Variants in CFAP20DC observed in about 807,000 individuals in gnomAD.
CFAP20DC encodes the protein CFAP20 domain containing, also known as protein CFAP20DC.
Under a neutral mutation model 101.7 loss-of-function variants are expected in CFAP20DC, and 84 were observed. The observed-to-expected ratio is 0.83, with a 90% CI of 0.69 to 0.99. The LOEUF is 0.99. Among genes scored for constraint, CFAP20DC ranks in the 50% least tolerant of loss-of-function variants. CFAP20DC has a pLI of 0.00. For synonymous variants in CFAP20DC, 359 were observed against 351.2 expected (o/e 1.02, Z -0.25); for missense variants, 1,007 against 970.3 (o/e 1.04, Z -0.50).
chr3:58,833,975 T>A (rs977068060), intron 13 of CFAP20DC, among the ~76,000 whole-genome samples: 1 of 152,172 alleles, frequency 6.6e-6, no homozygotes, highest in Non-Finnish European at 1.5e-5. Flanking sequence ...TTACTTTATA[T>A]GAAATGTCCA....
At chr3:58,873,547 A>C (rs2080452177) in intron 7 of CFAP20DC, among the ~76,000 whole-genome samples, 1 of 141,832 alleles carries the variant, frequency 7.1e-6, no homozygotes, top group African/African-American at 2.7e-5. Context: ...GGATGGTATA[A>C]GGCGGGTGCT....
Position 58,951,128 on chromosome 3 carries a change from T to A in CFAP20DC, c.279-13366A>T, listed in dbSNP as rs536328348. On this transcript the variant is annotated intron_variant, in intron 4 of 16. Transcript: ENST00000482387. Reference sequence around the variant, plus strand: ...AACAGACACTTCTCAAAAGAAGACATTTATGCAGCCAAAAGACACATGAAA... The same window carrying A: ...AACAGACACTTCTCAAAAGAAGACAATTATGCAGCCAAAAGACACATGAAA... 6.3e-4 allele frequency among the ~76,000 whole-genome samples: 96 copies of A among 152,328 alleles called. 2 individuals are homozygous for A. In the South Asian group the frequency reaches 0.019, roughly 31 times the overall value.
intron 3 of CFAP20DC, among the ~76,000 whole-genome samples, chr3:59,045,287 C>T (rs1264100804): frequency 1.3e-5 from 2 of 151,744 alleles, no homozygotes; most frequent in Admixed American, 6.6e-5. Flanking sequence ...ATGATAAAAT[C>T]AGGTACCAAC....
Position 59,049,849 on chromosome 3 carries a change from C to T in CFAP20DC, c.-218G>A. ...CCATCAGCACCATTGCGGCTCCAGC[C>T]TCCGCGGTGCCCGGGTCTGGGGAGG... On this transcript the variant is annotated 5_prime_UTR_variant, in exon 1 of 17. Transcript: ENST00000482387. 3.3e-6 allele frequency: 2 copies of T among 608,502 alleles called. No homozygotes were observed. The highest frequency in any genetic ancestry group is 3.0e-5 in the Admixed American group (1 of 33,332). The allele number at this position is 608,502 out of a possible 1,614,324, so 37.7% of individuals were successfully genotyped here.
intron 12 of CFAP20DC, among the ~76,000 whole-genome samples, chr3:58,855,099 C>G (rs1241695184): frequency 1.3e-5 from 2 of 150,562 alleles, no homozygotes; most frequent in African/African-American, 2.4e-5. Context: ...TGACAAAGGG[C>G]TAATATCCAG....
At chr3:58,951,763 G>T (rs753002216) in intron 4 of CFAP20DC, among the ~76,000 whole-genome samples, 4 of 152,020 alleles carry the variant, frequency 2.6e-5, no homozygotes, top group Admixed American at 6.6e-5. Context: ...GTTGTGGGGT[G>T]GGGGGAGAGG....
chr3:58,861,272 C>A lies in CFAP20DC; in HGVS notation c.1593+2286G>T. On this transcript the variant is annotated intron_variant, in intron 12 of 16. Coordinates refer to ENST00000482387, the MANE Select transcript of CFAP20DC (RefSeq NM_001394063.1). This position sits in a 1 kb window ranked among gnomAD's most constrained non-coding sequence, Gnocchi z 4.0. Reference sequence around the variant, plus strand: ...TTAATTACACTTTATAAACTTCAAGCATAATAATATAATTGTTATTCACTT... The same window carrying A: ...TTAATTACACTTTATAAACTTCAAGAATAATAATATAATTGTTATTCACTT... 1 of 641,056 alleles carries A rather than the reference C, an allele frequency of 1.6e-6. No individual in the cohort carries two copies. The highest frequency in any genetic ancestry group is 1.9e-6 in the Non-Finnish European group (1 of 515,694). 39.7% of individuals were successfully genotyped at this position (641,056 alleles called of 1,614,324 possible). A position where few individuals can be genotyped will look rare whatever the true frequency, so the allele number is the denominator to read the frequency against.
Position 58,859,356 on chromosome 3 carries a change from A to G in CFAP20DC, c.1593+4202T>C, listed in dbSNP as rs765926545. Reference sequence around the variant, plus strand: ...TAGGCTTTTCTAATTTTTCAAGGCAAAACATATTTTTCTATAAGTTAGACT... The same window carrying G: ...TAGGCTTTTCTAATTTTTCAAGGCAGAACATATTTTTCTATAAGTTAGACT... On this transcript the variant is annotated intron_variant, in intron 12 of 16. Coordinates refer to ENST00000482387, the MANE Select transcript of CFAP20DC (RefSeq NM_001394063.1). This position sits in a 1 kb window ranked among gnomAD's most constrained non-coding sequence, Gnocchi z 4.1. 3.3e-5 allele frequency among the ~76,000 whole-genome samples: 5 copies of G among 152,202 alleles called. No individual in the cohort carries two copies. Among genetic ancestry groups the G allele is most frequent in the African/African-American group, 7.2e-5 (3 of 41,460 alleles).
intron 15 of CFAP20DC, among the ~76,000 whole-genome samples, chr3:58,786,154 C>G (rs1464739512): frequency 6.6e-6 from 1 of 152,140 alleles, no homozygotes; most frequent in African/African-American, 2.4e-5. Context: ...GCTAATCCTT[C>G]TTTTATTACA....
At position 58,926,764 on chromosome 3, in the gene CFAP20DC, A is replaced by G. The variant is rs376785688; in HGVS notation, c.393+10884T>C. ...GTTCAAGATGGAATAGCTCCTAAAG[A>G]GTAATTTTATCCATTTAAATGACAA... On this transcript the variant is annotated intron_variant, in intron 5 of 16. Coordinates refer to ENST00000482387, the MANE Select transcript of CFAP20DC (RefSeq NM_001394063.1). Among the ~76,000 whole-genome samples, 4 of 152,310 alleles carry G rather than the reference A, an allele frequency of 2.6e-5. No homozygotes were observed. In the East Asian group the frequency reaches 5.8e-4, roughly 22 times the overall value.
chr3:58,728,759 A>C lies in CFAP20DC; in HGVS notation c.198-11131T>G, dbSNP rs1266976954. 6.6e-6 allele frequency among the ~76,000 whole-genome samples: 1 copy of C among 152,172 alleles called. No homozygotes were observed. The highest frequency in any genetic ancestry group is 1.5e-5 in the Non-Finnish European group (1 of 68,026). On this transcript the variant is annotated intron_variant, in intron 3 of 3. Transcript: ENST00000486145. The surrounding 1 kb of genome is among the most constrained non-coding windows in gnomAD (Gnocchi z 4.7). ...TTAATAATATTGATTCTTCTCATCT[A>C]TGAACATGGAACATCCTTTCAATTA...
At chr3:58,980,175 A>G (rs56054285) in intron 4 of CFAP20DC, among the ~76,000 whole-genome samples, 1 of 152,264 alleles carries the variant, frequency 6.6e-6, no homozygotes, top group Non-Finnish European at 1.5e-5. Flanking sequence ...CGAGCTTGAT[A>G]GCTCTTAATG....
At chr3:58,922,111 T>C (rs77902058) in intron 5 of CFAP20DC, among the ~76,000 whole-genome samples, 2,685 of 152,310 alleles carry the variant, frequency 0.018, 93 homozygotes, top group African/African-American at 0.061. Context: ...TTTTTATAAA[T>C]AGCATGCAAT....
intron 4 of CFAP20DC, among the ~76,000 whole-genome samples, chr3:58,949,154 AT>A (rs1425366919): frequency 2.6e-5 from 4 of 151,820 alleles, no homozygotes; most frequent in Non-Finnish European, 4.4e-5. Context: ...ATCATTTTTT[AT>A]TGTGTCTATT....
intron 14 of CFAP20DC, among the ~76,000 whole-genome samples, chr3:58,811,987 A>T (rs1380289712): frequency 6.6e-6 from 1 of 152,198 alleles, no homozygotes; most frequent in Non-Finnish European, 1.5e-5. Flanking sequence ...GAGAAATGCA[A>T]ATCAAAACCA....
At position 58,874,024 on chromosome 3, in the gene CFAP20DC, T is replaced by C. The variant is rs2080519115; in HGVS notation, c.716-3715A>G. On this transcript the variant is annotated intron_variant, in intron 7 of 16. Transcript: ENST00000482387. This position sits in a 1 kb window ranked among gnomAD's most constrained non-coding sequence, Gnocchi z 5.1. ...GCTATTCTGGATGCCGTAAGGCAGATTCAGACATCAGGTGACTCCTTAATT... is the reference window on the plus strand; with the variant it reads ...GCTATTCTGGATGCCGTAAGGCAGACTCAGACATCAGGTGACTCCTTAATT... Among the ~76,000 whole-genome samples, 2 of 152,378 alleles carry C rather than the reference T, an allele frequency of 1.3e-5. No homozygotes were observed. Among genetic ancestry groups the C allele is most frequent in the South Asian group, 4.1e-4 (2 of 4,830 alleles).
At chr3:58,731,330 C>T (rs914939841) in intron 3 of CFAP20DC, among the ~76,000 whole-genome samples, 6 of 152,238 alleles carry the variant, frequency 3.9e-5, no homozygotes, top group African/African-American at 1.2e-4. Context: ...TTTCACTCCT[C>T]TGAACATGTG....
chr3:58,980,917 T>A (rs1351077313), intron 4 of CFAP20DC, among the ~76,000 whole-genome samples: 1 of 152,166 alleles, frequency 6.6e-6, no homozygotes, highest in Non-Finnish European at 1.5e-5. Flanking sequence ...AGACAAATTG[T>A]CCCTGTTTGC....
chr3:58,882,951 T>A lies in CFAP20DC; in HGVS notation c.715+1594A>T, dbSNP rs576072978. ...ACATAGTCATCTGCAGGATTTATAC[T>A]GAAAAGGTTACCAAATAGGTCCCAG... On this transcript the variant is annotated intron_variant, in intron 7 of 16. Transcript: ENST00000482387. This position sits in a 1 kb window ranked among gnomAD's most constrained non-coding sequence, Gnocchi z 4.2. 3.5e-4 allele frequency among the ~76,000 whole-genome samples: 54 copies of A among 152,324 alleles called. 3 individuals are homozygous for A. The South Asian group carries it at 0.011, about 32-fold the overall frequency.
Sources: allele counts gnomAD v4.1 joint callset (sites outside exome capture counted in the v4.1 genomes callset), GRCh38; gene constraint gnomAD v4.1.1; non-coding constraint Gnocchi (gnomAD v3.1); transcripts MANE v1.5; gene names NCBI Gene and HGNC (gene_info 2026-07-23, HGNC 2026-07-21).